MAP2: variants seen among roughly 807,000 people sequenced by gnomAD.
The protein encoded by MAP2 is microtubule-associated protein 2.
A neutral mutation model predicts 137.6 loss-of-function variants in MAP2; 14 were observed. The ratio of observed to expected loss-of-function variants is 0.10; its 90% CI spans 0.07 to 0.16. The LOEUF is 0.16. Among genes scored for constraint, MAP2 ranks in the 10% least tolerant of loss-of-function variants. The probability of loss-of-function intolerance (pLI) is 1.00; values close to 1 mark genes in which losing one functional copy is unlikely to be tolerated. For synonymous variants in MAP2, 786 were observed against 782.3 expected (o/e 1.00, Z -0.08); for missense variants, 2,088 against 2,191.5 (o/e 0.95, Z 0.94).
At chr2:209,609,803 A>G (rs1370895633) in intron 3 of MAP2, among the ~76,000 whole-genome samples, 1 of 152,190 alleles carries the variant, frequency 6.6e-6, no homozygotes, top group African/African-American at 2.4e-5. Flanking sequence ...ATCCTCCTTT[A>G]ATACATGTGA....
intron 2 of MAP2, among the ~76,000 whole-genome samples, chr2:209,567,143 A>G (rs954999469): frequency 2.0e-5 from 3 of 152,146 alleles, no homozygotes; most frequent in Admixed American, 6.5e-5. Flanking sequence ...CAGTGACAAC[A>G]TATCTTCCTC....
At chr2:209,476,924 T>C (rs1029294741) in intron 1 of MAP2, among the ~76,000 whole-genome samples, 2 of 152,246 alleles carry the variant, frequency 1.3e-5, no homozygotes, top group East Asian at 1.9e-4. Context: ...CCTGTCCTAA[T>C]TGAATTCAGT....
intron 2 of MAP2, among the ~76,000 whole-genome samples, chr2:209,546,591 G>A (rs766471868): frequency 3.3e-5 from 5 of 152,122 alleles, no homozygotes; most frequent in Non-Finnish European, 7.4e-5. Flanking sequence ...ATATCAAAAA[G>A]GATATCTATG....
chr2:209,623,891 T>C (rs1581079214), intron 3 of MAP2, among the ~76,000 whole-genome samples: 1 of 152,224 alleles, frequency 6.6e-6, no homozygotes. Flanking sequence ...TTTATTTAAA[T>C]GTTAAGACAT....
At chr2:209,716,216 A>G (rs971264606) in intron 13 of MAP2, among the ~76,000 whole-genome samples, 2 of 152,252 alleles carry the variant, frequency 1.3e-5, no homozygotes, top group Non-Finnish European at 2.9e-5. Context: ...TTACTAGACC[A>G]TAAGGTCCAT....
intron 3 of MAP2, among the ~76,000 whole-genome samples, chr2:209,587,205 G>A (rs946543601): frequency 6.6e-6 from 1 of 152,020 alleles, no homozygotes; most frequent in Non-Finnish European, 1.5e-5. Flanking sequence ...GTACTGAGCT[G>A]CTAAATTCTC....
intron 2 of MAP2, among the ~76,000 whole-genome samples, chr2:209,575,216 G>A (rs1290361509): frequency 6.6e-6 from 1 of 151,904 alleles, no homozygotes; most frequent in Non-Finnish European, 1.5e-5. Flanking sequence ...AAAACATATT[G>A]ATTACAAAAT....
intron 1 of MAP2, among the ~76,000 whole-genome samples, chr2:209,435,933 A>ATATATAATATATACTATATATACAG (rs1220248906): frequency 2.1e-5 from 3 of 141,060 alleles, no homozygotes; most frequent in East Asian, 2.1e-4. Flanking sequence ...TATATATTAT[A>ATATATAATATATACTATATATACAG]TATATAATAT....
chr2:209,593,224 C>G (rs2079769058), intron 3 of MAP2, among the ~76,000 whole-genome samples: 1 of 151,968 alleles, frequency 6.6e-6, no homozygotes, highest in Admixed American at 6.6e-5. Context: ...TGTAAGTTCT[C>G]TCTTCTTTCC....
chr2:209,483,862 A>G (rs1376210890), intron 1 of MAP2, among the ~76,000 whole-genome samples: 3 of 152,148 alleles, frequency 2.0e-5, no homozygotes, highest in African/African-American at 4.8e-5. Context: ...AATGGGACAC[A>G]TGGAGCCAGG....
At chr2:209,456,357 GC>G (rs1242693399) in intron 1 of MAP2, among the ~76,000 whole-genome samples, 1 of 152,124 alleles carries the variant, frequency 6.6e-6, no homozygotes, top group African/African-American at 2.4e-5. Context: ...GGAAACTGAG[GC>G]CCAGTGAATG....
At chr2:209,595,287 G>A (rs1431463755) in intron 3 of MAP2, among the ~76,000 whole-genome samples, 1 of 152,124 alleles carries the variant, frequency 6.6e-6, no homozygotes, top group Non-Finnish European at 1.5e-5. Context: ...GTTAAAATGA[G>A]TATAATTTAG....
chr2:209,448,476 G>C (rs1559174296), intron 1 of MAP2, among the ~76,000 whole-genome samples: 1 of 152,076 alleles, frequency 6.6e-6, no homozygotes, highest in East Asian at 1.9e-4. Flanking sequence ...ATTTCTTGTA[G>C]CTGCCATAAG....
chr2:209,469,572 A>T (rs185658999), intron 1 of MAP2, among the ~76,000 whole-genome samples: 20 of 152,222 alleles, frequency 1.3e-4, no homozygotes, highest in African/African-American at 4.1e-4. Context: ...AGAAGCAATG[A>T]TATGCTCATT....
chr2:209,635,893 G>T (rs1428415855), intron 4 of MAP2, among the ~76,000 whole-genome samples: 5 of 152,110 alleles, frequency 3.3e-5, no homozygotes, highest in Admixed American at 3.3e-4. Flanking sequence ...CTACAAGCAT[G>T]TAAGCAAAGA....
intron 1 of MAP2, among the ~76,000 whole-genome samples, chr2:209,493,182 G>T (rs1225278155): frequency 6.6e-6 from 1 of 152,076 alleles, no homozygotes; most frequent in African/African-American, 2.4e-5. Flanking sequence ...AATGGGGAAA[G>T]GATTTCCTAT....
chr2:209,618,330 G>A (rs1363767800), intron 3 of MAP2, among the ~76,000 whole-genome samples: 1 of 152,186 alleles, frequency 6.6e-6, no homozygotes, highest in Non-Finnish European at 1.5e-5. Context: ...GTTTGTAACA[G>A]TAGAAAGTTC....
intron 2 of MAP2, among the ~76,000 whole-genome samples, chr2:209,534,881 C>T (rs1009452023): frequency 7.9e-5 from 12 of 152,190 alleles, no homozygotes; most frequent in African/African-American, 2.4e-4. Context: ...AAATGGAATA[C>T]GTGCATTTTT....
intron 12 of MAP2, among the ~76,000 whole-genome samples, 189 bp downstream of exon 12, chr2:209,705,916 T>G (rs1343563839): frequency 6.6e-6 from 1 of 152,154 alleles, no homozygotes; most frequent in Non-Finnish European, 1.5e-5. Flanking sequence ...AAACAACTGA[T>G]GGAGGAAATG....
Sources: gnomAD v4.1 joint callset for allele counts (sites outside exome capture counted in the v4.1 genomes callset) on GRCh38, gnomAD v4.1.1 for gene constraint, MANE v1.5 for transcripts, NCBI Gene and HGNC (gene_info 2026-07-23, HGNC 2026-07-21) for gene names.